Variants in GSE1 observed in about 807,000 individuals in gnomAD.
GSE1 encodes Gse1 coiled-coil protein, also known as genetic suppressor element 1.
GSE1 carries 32 observed loss-of-function variants against 112.6 expected under a neutral mutation model. The observed-to-expected ratio is 0.28, with a 90% CI of 0.21 to 0.38. The LOEUF (loss-of-function observed/expected upper bound fraction) is 0.38, where lower values mean the gene tolerates loss of function less well. GSE1 is among the 10% of genes least tolerant of loss of function. The pLI is 1.00. For missense variants in GSE1, 2,348 were observed against 1,699.2 expected (o/e 1.38, Z -6.71); for synonymous variants, 1,115 against 735.6 (o/e 1.52, Z -8.35).
At chr16:85,627,588 C>CT (rs1252941265) in intron 1 of GSE1, among the ~76,000 whole-genome samples, 2 of 152,108 alleles carry the variant, frequency 1.3e-5, no homozygotes, top group Non-Finnish European at 2.9e-5. Context: ...CCTCGCAGAC[C>CT]TGGTCCACCT....
In GSE1 at chr16:85,657,391, C is replaced by T. The variant is rs1012406344; in HGVS notation, c.1427C>T (p.Ser476Phe). Residue 476 changes from serine to phenylalanine, a missense_variant, in exon 8 of 16, where the codon TCT (serine) becomes TTT (phenylalanine). By Grantham distance (155) the Ser-to-Phe change is radical (BLOSUM62 -2). Transcript: ENST00000253458. ...PSLISNHGIFSLPSSSAATAL... is the reference protein window; with the variant it reads ...PSLISNHGIFFLPSSSAATAL... ...CTCATCTCCAACCATGGCATCTTCT[C>T]TCTGCCTAGCAGCAGTGCTGCCACA... 1.2e-6 allele frequency: 2 copies of T among 1,612,592 alleles called. No homozygotes were observed. Among genetic ancestry groups the T allele is most frequent in the Admixed American group, 1.7e-5 (1 of 59,972 alleles).
intron 2 of GSE1, among the ~76,000 whole-genome samples, chr16:85,498,444 C>G (rs1056078919): frequency 5.9e-5 from 9 of 152,126 alleles, no homozygotes; most frequent in Non-Finnish European, 1.0e-4. Flanking sequence ...CACAGATACC[C>G]ATGCATACGG....
intron 1 of GSE1, among the ~76,000 whole-genome samples, chr16:85,203,206 GTCC>G (rs2075059907): frequency 6.6e-6 from 1 of 152,030 alleles, no homozygotes; most frequent in African/African-American, 2.4e-5. Flanking sequence ...TTGCTCCACT[GTCC>G]TCCTCAGCAT....
intron 2 of GSE1, among the ~76,000 whole-genome samples, chr16:85,472,608 C>A (rs914295411): frequency 6.6e-6 from 1 of 152,250 alleles, no homozygotes; most frequent in African/African-American, 2.4e-5. Context: ...CATAGCGCAG[C>A]CCGGCACAGC....
intron 2 of GSE1, among the ~76,000 whole-genome samples, chr16:85,474,727 A>T (rs190374830): frequency 1.0e-5 from 1 of 96,116 alleles, no homozygotes; most frequent in African/African-American, 4.1e-5. Context: ...CCCCACTCCC[A>T]CCTTCTCCTC....
At chr16:85,573,798 G>C (rs1208731664) in intron 1 of GSE1, among the ~76,000 whole-genome samples, 2 of 152,344 alleles carry the variant, frequency 1.3e-5, no homozygotes, top group African/African-American at 2.4e-5. Context: ...CCTCAGATTG[G>C]AGTTATTGTG....
At chr16:85,174,450 A>C (rs1377719589) in intron 1 of GSE1, among the ~76,000 whole-genome samples, 1 of 152,228 alleles carries the variant, frequency 6.6e-6, no homozygotes, top group African/African-American at 2.4e-5. Flanking sequence ...GAGAAGCCTC[A>C]GCTCTCAGCT....
intron 1 of GSE1, among the ~76,000 whole-genome samples, chr16:85,219,141 GTACTGGGAT>G (rs1334467359): frequency 6.6e-6 from 1 of 152,136 alleles, no homozygotes; most frequent in Non-Finnish European, 1.5e-5. Flanking sequence ...GCTTCCCAAA[GTACTGGGAT>G]TACAGGCATG....
chr16:85,527,630 G>T (rs1388119321), intron 2 of GSE1, among the ~76,000 whole-genome samples: 2 of 152,278 alleles, frequency 1.3e-5, no homozygotes, highest in Admixed American at 6.5e-5. Context: ...TCCGGGACCA[G>T]CAGCCTACCC....
Position 85,246,504 on chromosome 16 carries a change from C to A in GSE1, c.2283+74697C>A, listed in dbSNP as rs1488942296. On this transcript the variant is annotated intron_variant, in intron 1 of 2. Coordinates refer to the GSE1 transcript ENST00000637419. ...ACACACACACACACTCTACACACCC[C>A]CCCCCCCCCGACGCTGTCTGCAGGA... 9.7e-5 allele frequency among the ~76,000 whole-genome samples: 9 copies of A among 92,678 alleles called. 2 individuals carry two copies. In the East Asian group the frequency reaches 2.7e-3, roughly 28 times the overall value. The allele number at this position is 92,678 out of a possible 152,430, so 60.8% of individuals were successfully genotyped here. A position where few individuals can be genotyped will look rare whatever the true frequency, so the allele number is the denominator to read the frequency against.
intron 1 of GSE1, among the ~76,000 whole-genome samples, chr16:85,597,696 C>G (rs969517031): frequency 1.3e-5 from 2 of 152,132 alleles, no homozygotes; most frequent in Non-Finnish European, 2.9e-5. Context: ...GTCTCAAACT[C>G]TTGGGCTCAA....
chr16:85,227,101 TCATCCATCCATC>T (rs71151273), intron 1 of GSE1, among the ~76,000 whole-genome samples: 165 of 151,788 alleles, frequency 1.1e-3, no homozygotes, highest in Non-Finnish European at 2.0e-3. Context: ...GTCCTTCTTT[TCATCCATCCATC>T]CATCCATCCA....
At chr16:85,425,050 A>G (rs976609489) in intron 2 of GSE1, among the ~76,000 whole-genome samples, 2 of 152,158 alleles carry the variant, frequency 1.3e-5, no homozygotes, top group African/African-American at 4.8e-5. Flanking sequence ...GCTGGACTGG[A>G]CTGGGCTGGG....
chr16:85,638,552 GTC>G (rs1448483049), intron 2 of GSE1, among the ~76,000 whole-genome samples: 3 of 152,162 alleles, frequency 2.0e-5, no homozygotes, highest in African/African-American at 7.2e-5. Context: ...TGAGGAGCAG[GTC>G]TCTACCTCAT....
chr16:85,377,857 C>A (rs1175064475), intron 2 of GSE1, among the ~76,000 whole-genome samples: 1 of 152,198 alleles, frequency 6.6e-6, no homozygotes, highest in Non-Finnish European at 1.5e-5. Flanking sequence ...AGGGCATGGG[C>A]CCCCAATCCT....
intron 2 of GSE1, among the ~76,000 whole-genome samples, chr16:85,549,969 G>A (rs2044846346): frequency 6.6e-6 from 1 of 152,168 alleles, no homozygotes; most frequent in Admixed American, 6.5e-5. Flanking sequence ...GTGCACTAAG[G>A]CCCCATCAGT....
chr16:85,463,073 G>A (rs1258539229), intron 2 of GSE1: 3 of 985,072 alleles, frequency 3.0e-6, no homozygotes, highest in Non-Finnish European at 3.6e-6. Context: ...GGCCCGGGGG[G>A]CGGCGCAGGA....
chr16:85,513,323 C>T (rs2051809780), intron 2 of GSE1, among the ~76,000 whole-genome samples: 1 of 152,184 alleles, frequency 6.6e-6, no homozygotes, highest in African/African-American at 2.4e-5. Context: ...CCTCCTCTCC[C>T]AGCTCAGCCA....
upstream of GSE1, among the ~76,000 whole-genome samples, chr16:85,551,811 G>T (rs1430937879): frequency 6.6e-6 from 1 of 152,234 alleles, no homozygotes; most frequent in Non-Finnish European, 1.5e-5. Flanking sequence ...GGCTTGGCCT[G>T]AGCATTTTAA....
Sources: allele counts gnomAD v4.1 joint callset (sites outside exome capture counted in the v4.1 genomes callset), GRCh38; gene constraint gnomAD v4.1.1; transcripts MANE v1.5; gene names NCBI Gene and HGNC (gene_info 2026-07-23, HGNC 2026-07-21).